The following TUBB variants were observed in gnomAD, a reference collection of about 807,000 sequenced individuals.
TUBB encodes the protein tubulin beta chain.
Under a neutral mutation model 35.1 loss-of-function variants are expected in TUBB, and 2 were observed. That is an observed-to-expected ratio of 0.06 (90% CI 0.02 to 0.18). The LOEUF (loss-of-function observed/expected upper bound fraction) is 0.18, where lower values mean the gene tolerates loss of function less well. Ranked by LOEUF, TUBB falls within the 10% of genes least tolerant of loss-of-function variation. TUBB has a pLI of 1.00. For missense variants in TUBB, 50 were observed against 599.4 expected (o/e 0.08, Z 9.57); for synonymous variants, 205 against 223.8 (o/e 0.92, Z 0.75).
intron 1 of TUBB, among the ~76,000 whole-genome samples, chr6:30,721,370 G>C (rs1035688538): frequency 6.6e-5 from 10 of 151,364 alleles, no homozygotes; most frequent in African/African-American, 4.8e-5. Context: ...TGTAGCGGGG[G>C]AGGGGCGGGA....
chr6:30,723,056 T>C (rs375422131), intron 3 of TUBB, 28 bp downstream of exon 3: 36 of 1,547,666 alleles, frequency 2.3e-5, no homozygotes, highest in Non-Finnish European at 1.9e-5. Context: ...TATTAGCAGA[T>C]GATATACCAT....
chr6:30,722,481 G>A lies in TUBB; in HGVS notation c.58-56G>A, dbSNP rs972797616. 28 of 1,168,598 alleles carry A rather than the reference G, an allele frequency of 2.4e-5. No individual in the cohort carries two copies. In the South Asian group the frequency reaches 2.4e-4, roughly 10 times the overall value. 72.4% of individuals were successfully genotyped at this position (1,168,598 alleles called of 1,614,324 possible). A position where few individuals can be genotyped will look rare whatever the true frequency, so the allele number is the denominator to read the frequency against. On this transcript the variant is annotated intron_variant, in intron 1 of 3. Coordinates refer to ENST00000327892, the MANE Select transcript of TUBB (RefSeq NM_178014.4). ...AAAAGATGAAATAAAATGGTAGTTG[G>A]GGACATAGTTGGCTGGGACTTGACC...
intron 1 of TUBB, 49 bp downstream of exon 1, chr6:30,720,612 G>GT (rs1416478984): frequency 6.4e-7 from 1 of 1,571,430 alleles, no homozygotes; most frequent in Non-Finnish European, 8.7e-7. Flanking sequence ...AAAAATCCAG[G>GT]TAAGTTATGA....
At chr6:30,720,953 G>C (rs1210990451) in intron 1 of TUBB, among the ~76,000 whole-genome samples, 2 of 152,252 alleles carry the variant, frequency 1.3e-5, no homozygotes, top group Non-Finnish European at 2.9e-5. Context: ...GGGGTACTTA[G>C]GGCCAAACCG....
intron 1 of TUBB, chr6:30,721,670 G>C: frequency 2.0e-6 from 2 of 985,440 alleles, no homozygotes; most frequent in Non-Finnish European, 2.4e-6. Flanking sequence ...CGCGCGGTGG[G>C]GCGGTGCCCA....
intron 3 of TUBB, 148 bp downstream of exon 3, chr6:30,723,176 G>C: frequency 1.1e-6 from 1 of 898,426 alleles, no homozygotes; most frequent in Admixed American, 2.7e-5. Context: ...GGTAGAGGTA[G>C]TGCCTACTAT....
chr6:30,721,573 G>T, intron 1 of TUBB: 2 of 985,420 alleles, frequency 2.0e-6, no homozygotes, highest in African/African-American at 3.5e-5. Flanking sequence ...GGCTCGACCT[G>T]CGCGTGCGCC....
rs780813002 is a variant in TUBB at position 30,720,696 on chromosome 6, A to G, written c.57+133A>G. 190 of 727,808 alleles carry G rather than the reference A, an allele frequency of 2.6e-4. 1 individual carries two copies. Among genetic ancestry groups the G allele is most frequent in the Non-Finnish European group, 3.9e-4 (172 of 439,882 alleles). 45.1% of individuals were successfully genotyped at this position (727,808 alleles called of 1,614,324 possible). A position where few individuals can be genotyped will look rare whatever the true frequency, so the allele number is the denominator to read the frequency against. On this transcript the variant is annotated intron_variant, in intron 1 of 3. Transcript: ENST00000327892. ...CCCCTCTCAAGTTTGTTACATTTAT[A>G]TATATAACAATTGTAGCTAGCATTT...
At position 30,723,323 on chromosome 6, in the gene TUBB, T is replaced by C. The variant is rs780539990; in HGVS notation, c.278-17T>C. 1.3e-6 allele frequency: 2 copies of C among 1,578,610 alleles called. No individual in the cohort carries two copies. The highest frequency in any genetic ancestry group is 2.3e-5 in the South Asian group (2 of 86,486). On this transcript the variant is annotated splice_polypyrimidine_tract_variant and intron_variant, in intron 3 of 3. Coordinates refer to ENST00000327892, the MANE Select transcript of TUBB (RefSeq NM_178014.4). ...CCATACCCTGTTAATTGAGCTTTTCTCCTGACTGCATTCCAGGTCAGTCTG... is the reference window on the plus strand; with the variant it reads ...CCATACCCTGTTAATTGAGCTTTTCCCCTGACTGCATTCCAGGTCAGTCTG...
chr6:30,721,686 G>A (rs1776279088), intron 1 of TUBB: 1 of 985,332 alleles, frequency 1.0e-6, no homozygotes, highest in South Asian at 4.7e-5. Flanking sequence ...GCCCAGCTTG[G>A]GGGAAGGAGA....
chr6:30,722,525 C>T lies in TUBB; in HGVS notation c.58-12C>T, dbSNP rs762084225. The T allele has an allele frequency of 2.5e-6, 4 of 1,605,306 alleles. No individual in the cohort carries two copies. The highest frequency in any genetic ancestry group is 3.4e-6 in the Non-Finnish European group (4 of 1,172,488). On this transcript the variant is annotated splice_polypyrimidine_tract_variant and intron_variant, in intron 1 of 3. Coordinates refer to ENST00000327892, the MANE Select transcript of TUBB (RefSeq NM_178014.4). ...CTTGACCTGTTGTGGTCTCGTTGCTCCCCCTCGGCAGTTCTGGGAGGTGAT... is the reference window on the plus strand; with the variant it reads ...CTTGACCTGTTGTGGTCTCGTTGCTTCCCCTCGGCAGTTCTGGGAGGTGAT...
chr6:30,723,949 C>A lies in TUBB; in HGVS notation c.887C>A (p.Ala296Asp), dbSNP rs1312842009. ...GAACTCACCCAGCAGGTCTTCGATGCCAAGAACATGATGGCTGCCTGTGAC... is the reference window on the plus strand; with the variant it reads ...GAACTCACCCAGCAGGTCTTCGATGACAAGAACATGATGGCTGCCTGTGAC... ...VPELTQQVFD[A>D]KNMMAACDPR... Residue 296 changes from alanine (A) to aspartate (D), a missense_variant, in exon 4 of 4, where the codon GCC (alanine) becomes GAC (aspartate). Transcript: ENST00000327892. The A allele has an allele frequency of 6.2e-7, 1 of 1,614,098 alleles. No homozygotes were observed. Among genetic ancestry groups the A allele is most frequent in the Non-Finnish European group, 8.5e-7 (1 of 1,180,052 alleles).
At position 30,722,635 on chromosome 6, in the gene TUBB, T is replaced by C. The variant is rs758849732; in HGVS notation, c.156T>C (p.Asn52=). 6.2e-7 allele frequency: 1 copy of C among 1,613,984 alleles called. No individual in the cohort carries two copies. The highest frequency in any genetic ancestry group is 8.5e-7 in the Non-Finnish European group (1 of 1,179,930). Residue 52 remains asparagine, a synonymous_variant, in exon 2 of 4, where the codon AAT becomes AAC. Transcript: ENST00000327892. ...LQLDRISVYY[N]EATGGKYVPR... ...TGGACCGCATCTCTGTGTACTACAA[T>C]GAAGCCACAGGTAAGGGCAGGAGCC... is the stretch of plus-strand genomic sequence containing the variant.
At position 30,720,701 on chromosome 6, in the gene TUBB, T is replaced by A. The variant is rs190444530; in HGVS notation, c.57+138T>A. 131 of 716,718 alleles carry A rather than the reference T, an allele frequency of 1.8e-4. No individual in the cohort carries two copies. In the East Asian group the frequency reaches 3.6e-3, roughly 20 times the overall value. The allele number at this position is 716,718 out of a possible 1,614,324, so 44.4% of individuals were successfully genotyped here. On this transcript the variant is annotated intron_variant, in intron 1 of 3. Coordinates refer to ENST00000327892, the MANE Select transcript of TUBB (RefSeq NM_178014.4). ...CTCAAGTTTGTTACATTTATATATA[T>A]AACAATTGTAGCTAGCATTTGCCTT...
rs2127751301 is a variant in TUBB, at chr6:30,724,801, T to G, written c.*404T>G. ...CAAAGTAGAAAATGGTAGAAGGTAG[T>G]GGGTAGAAGTCACTATATAAGGAAG... On this transcript the variant is annotated 3_prime_UTR_variant, in exon 4 of 4. Coordinates refer to ENST00000327892, the MANE Select transcript of TUBB (RefSeq NM_178014.4). The surrounding 1 kb of genome is among the most constrained non-coding windows in gnomAD (Gnocchi z 4.4). The G allele has an allele frequency of 5.0e-6, 1 of 200,476 alleles. No individual in the cohort carries two copies. The highest frequency in any genetic ancestry group is 5.3e-5 in the Admixed American group (1 of 18,840). 12.4% of individuals were successfully genotyped at this position (200,476 alleles called of 1,614,324 possible).
At position 30,724,088 on chromosome 6, in the gene TUBB, G is replaced by A. The variant is rs1430136124; in HGVS notation, c.1026G>A (p.Val342=). Residue 342 remains valine, a synonymous_variant, in exon 4 of 4, where the codon GTG becomes GTA. Coordinates refer to ENST00000327892, the MANE Select transcript of TUBB (RefSeq NM_178014.4). The surrounding 1 kb of genome is among the most constrained non-coding windows in gnomAD (Gnocchi z 4.4). ...AGAACAAGAACAGCAGCTACTTTGT[G>A]GAATGGATCCCCAACAATGTCAAGA... ...NVQNKNSSYF[V]EWIPNNVKTA... 1 of 1,612,906 alleles carries A rather than the reference G, an allele frequency of 6.2e-7. No homozygotes were observed. Among genetic ancestry groups the A allele is most frequent in the Non-Finnish European group, 8.5e-7 (1 of 1,179,126 alleles).
rs1285808154 is a variant in TUBB at position 30,725,359 on chromosome 6, CT to C, written c.*969del. 1 of 152,692 alleles carries C rather than the reference CT, an allele frequency of 6.5e-6. No homozygotes were observed. The highest frequency in any genetic ancestry group is 1.5e-5 in the Non-Finnish European group (1 of 68,472). The allele number at this position is 152,692 out of a possible 1,614,324, so 9.5% of individuals were successfully genotyped here. A position where few individuals can be genotyped will look rare whatever the true frequency, so the allele number is the denominator to read the frequency against. ...TTTCTATTTTATGTTGAACTTGCTG[CT>C]TTTTTTCATATTGAAAAGATGACAT... On this transcript the variant is annotated 3_prime_UTR_variant, in exon 4 of 4. Transcript: ENST00000327892.
intron 1 of TUBB, 44 bp from the exon 2 acceptor site, chr6:30,722,493 G>T (rs1776351120): frequency 2.3e-6 from 3 of 1,331,152 alleles, no homozygotes; most frequent in Non-Finnish European, 3.2e-6. Flanking sequence ...GACATAGTTG[G>T]CTGGGACTTG....
At chr6:30,721,958 A>AGACCCTCGC (rs1476622276) in intron 1 of TUBB, 3 of 922,138 alleles carry the variant, frequency 3.3e-6, no homozygotes, top group Non-Finnish European at 3.9e-6. Context: ...CAACAAAGCG[A>AGACCCTCGC]GACCCTCCCC....
Sources: allele counts gnomAD v4.1 joint callset (sites outside exome capture counted in the v4.1 genomes callset), GRCh38; gene constraint gnomAD v4.1.1; non-coding constraint Gnocchi (gnomAD v3.1); transcripts MANE v1.5; gene names NCBI Gene and HGNC (gene_info 2026-07-23, HGNC 2026-07-21).